Variants in PLXDC2 observed in about 807,000 individuals in gnomAD.
PLXDC2 encodes the protein plexin domain-containing protein 2.
PLXDC2 carries 40 observed loss-of-function variants against 68.9 expected under a neutral mutation model. The ratio of observed to expected loss-of-function variants is 0.58; its 90% CI spans 0.45 to 0.76. The LOEUF (loss-of-function observed/expected upper bound fraction) is 0.76, where lower values mean the gene tolerates loss of function less well. Among genes scored for constraint, PLXDC2 ranks in the 30% least tolerant of loss-of-function variants. The pLI is 0.00. For missense variants in PLXDC2, 644 were observed against 661.9 expected (o/e 0.97, Z 0.30); for synonymous variants, 243 against 234.2 (o/e 1.04, Z -0.34).
chr10:20,144,737 G>A (rs558792025), intron 5 of PLXDC2, among the ~76,000 whole-genome samples: 4 of 152,152 alleles, frequency 2.6e-5, no homozygotes, highest in African/African-American at 9.6e-5. Flanking sequence ...TCTATCCTAC[G>A]GAAACAATAA....
chr10:20,261,792 T>C (rs1835811654), intron 13 of PLXDC2, among the ~76,000 whole-genome samples: 1 of 152,114 alleles, frequency 6.6e-6, no homozygotes, highest in East Asian at 1.9e-4. Flanking sequence ...AGGCGGAGGT[T>C]GCGGTGAGCC....
chr10:19,817,933 C>T (rs1836386647), intron 1 of PLXDC2, among the ~76,000 whole-genome samples: 1 of 152,184 alleles, frequency 6.6e-6, no homozygotes, highest in African/African-American at 2.4e-5. Context: ...TAGTGGCTGT[C>T]CTGGCAGGTG....
rs566151005 is a variant in PLXDC2, at chr10:20,175,313, C to G, written c.884-1686C>G. On this transcript the variant is annotated intron_variant, in intron 7 of 13. Coordinates refer to ENST00000377252, the MANE Select transcript of PLXDC2 (RefSeq NM_032812.9). Reference sequence around the variant, plus strand: ...GGAAACTGAGGCACAGAAAAGCTAGCAAAGGAGCCTGAGGCAACACAGATT... The same window carrying G: ...GGAAACTGAGGCACAGAAAAGCTAGGAAAGGAGCCTGAGGCAACACAGATT... Among the ~76,000 whole-genome samples the G allele has an allele frequency of 3.3e-4, 50 of 152,240 alleles. 1 individual carries two copies. The South Asian group carries it at 8.9e-3, about 27-fold the overall frequency.
At chr10:20,059,131 G>A (rs953054190) in intron 3 of PLXDC2, among the ~76,000 whole-genome samples, 1 of 152,152 alleles carries the variant, frequency 6.6e-6, no homozygotes, top group Non-Finnish European at 1.5e-5. Flanking sequence ...GGTTTGAGAA[G>A]CTTGGAGAAC....
chr10:19,823,711 G>A (rs865943082), intron 1 of PLXDC2, among the ~76,000 whole-genome samples: 25 of 152,104 alleles, frequency 1.6e-4, no homozygotes, highest in Non-Finnish European at 1.0e-4. Flanking sequence ...TTGAGGTGAG[G>A]TTCAGTGGCT....
At chr10:19,880,847 A>C (rs886215832) in intron 1 of PLXDC2, among the ~76,000 whole-genome samples, 1 of 152,240 alleles carries the variant, frequency 6.6e-6, no homozygotes, top group African/African-American at 2.4e-5. Context: ...AGGAATCAGC[A>C]AAGATGATTC....
chr10:20,153,557 C>G (rs1287282976), intron 6 of PLXDC2, among the ~76,000 whole-genome samples: 2 of 152,032 alleles, frequency 1.3e-5, no homozygotes, highest in African/African-American at 2.4e-5. Flanking sequence ...TGTGCCATAA[C>G]CAGAAGTGAA....
intron 1 of PLXDC2, among the ~76,000 whole-genome samples, chr10:19,944,747 T>A (rs1833873759): frequency 6.6e-6 from 1 of 152,050 alleles, no homozygotes; most frequent in Admixed American, 6.5e-5. Context: ...GGTCAGGAGT[T>A]CGAGACCAGC....
chr10:20,132,770 TA>T (rs61655560), intron 4 of PLXDC2, among the ~76,000 whole-genome samples: 133,215 of 150,414 alleles, frequency 0.89, 59,291 homozygotes, highest in Non-Finnish European at 0.94. Context: ...GTTTGATCTT[TA>T]AAAAAAAAAA....
chr10:20,044,224 T>C (rs1835746458), intron 2 of PLXDC2, among the ~76,000 whole-genome samples: 3 of 34,244 alleles, frequency 8.8e-5, no homozygotes, highest in Non-Finnish European at 1.5e-4. Flanking sequence ...TTTCTTTCTT[T>C]CTTTCTTTCT....
intron 13 of PLXDC2, among the ~76,000 whole-genome samples, chr10:20,247,466 G>A (rs1324107004): frequency 7.6e-6 from 1 of 131,632 alleles, no homozygotes; most frequent in Non-Finnish European, 1.7e-5. Context: ...AATAGAGTGA[G>A]GCCTGGTCTA....
intron 4 of PLXDC2, among the ~76,000 whole-genome samples, chr10:20,131,477 G>A (rs1239407459): frequency 6.6e-6 from 1 of 152,028 alleles, no homozygotes; most frequent in Non-Finnish European, 1.5e-5. Flanking sequence ...TCAGTGCACT[G>A]CAACCTCCGC....
At chr10:19,945,405 T>C (rs935253958) in intron 1 of PLXDC2, among the ~76,000 whole-genome samples, 6 of 152,154 alleles carry the variant, frequency 3.9e-5, no homozygotes, top group South Asian at 4.1e-4. Flanking sequence ...TGCTGGTGAT[T>C]AGGTATTCTT....
At chr10:19,833,620 T>C (rs1836735951) in intron 1 of PLXDC2, among the ~76,000 whole-genome samples, 1 of 152,238 alleles carries the variant, frequency 6.6e-6, no homozygotes, top group African/African-American at 2.4e-5. Flanking sequence ...TTCTGCCGCG[T>C]CATCTACTTT....
rs138330767 is a variant in PLXDC2, at chr10:20,136,511, C to T, written c.542-6784C>T. 1.1e-3 allele frequency among the ~76,000 whole-genome samples: 163 copies of T among 152,232 alleles called. 2 individuals carry two copies. The highest frequency in any genetic ancestry group is 3.9e-3 in the African/African-American group (161 of 41,552). ...AACACTGAGCTATTCACAATAACTGCAAACCCGCAGTTAAATAATTCAATT... is the reference window on the plus strand; with the variant it reads ...AACACTGAGCTATTCACAATAACTGTAAACCCGCAGTTAAATAATTCAATT... On this transcript the variant is annotated intron_variant, in intron 4 of 13. Transcript: ENST00000377252.
At chr10:20,136,173 A>G (rs959587685) in intron 4 of PLXDC2, among the ~76,000 whole-genome samples, 1 of 152,220 alleles carries the variant, frequency 6.6e-6, no homozygotes, top group African/African-American at 2.4e-5. Flanking sequence ...ACAAGCCGAT[A>G]TCCTCATAGT....
chr10:20,215,303 G>T (rs188169980), intron 10 of PLXDC2, among the ~76,000 whole-genome samples: 120 of 152,180 alleles, frequency 7.9e-4, no homozygotes, highest in Non-Finnish European at 1.3e-3. Flanking sequence ...AGAAACATTG[G>T]TACGAGAAAT....
chr10:19,860,159 T>C (rs915023702), intron 1 of PLXDC2, among the ~76,000 whole-genome samples: 3 of 152,220 alleles, frequency 2.0e-5, no homozygotes, highest in African/African-American at 7.2e-5. Context: ...TCTCTCTTTT[T>C]TCCCCAAGGG....
chr10:20,179,622 A>G (rs1300763613), intron 9 of PLXDC2, among the ~76,000 whole-genome samples: 1 of 152,108 alleles, frequency 6.6e-6, no homozygotes, highest in African/African-American at 2.4e-5. Context: ...AAACCTGCTT[A>G]CCACTGACCA....
Sources: gnomAD v4.1 joint callset for allele counts (sites outside exome capture counted in the v4.1 genomes callset) on GRCh38, gnomAD v4.1.1 for gene constraint, MANE v1.5 for transcripts, NCBI Gene and HGNC (gene_info 2026-07-23, HGNC 2026-07-21) for gene names.